Variants in GFPT2 observed in about 807,000 individuals in gnomAD.
GFPT2 encodes glutamine--fructose-6-phosphate transaminase 2.
In GFPT2, 62 loss-of-function variants were observed where a neutral mutation model predicts 85.6. The observed-to-expected ratio is 0.72, with a 90% CI of 0.59 to 0.90. GFPT2 has a LOEUF of 0.90. Among genes scored for constraint, GFPT2 ranks in the 40% least tolerant of loss-of-function variants. The probability of loss-of-function intolerance (pLI) is 0.00; values close to 1 mark genes in which losing one functional copy is unlikely to be tolerated. For synonymous variants in GFPT2, 368 were observed against 344.5 expected (o/e 1.07, Z -0.75); for missense variants, 788 against 893.4 (o/e 0.88, Z 1.50).
intron 4 of GFPT2, 170 bp from the exon 5 acceptor site, chr5:180,331,723 G>A (rs1355717362): frequency 1.6e-5 from 10 of 643,626 alleles, no homozygotes; most frequent in Non-Finnish European, 2.8e-5. Flanking sequence ...AGCAACTACA[G>A]TGGAACCAGG....
At chr5:180,349,752 T>C (rs565942620) in intron 1 of GFPT2, among the ~76,000 whole-genome samples, 29 of 152,112 alleles carry the variant, frequency 1.9e-4, no homozygotes, top group Non-Finnish European at 3.5e-4. Flanking sequence ...ATCAGTAAGT[T>C]TGCAGTCATT....
chr5:180,309,537 C>A (rs569966294), intron 15 of GFPT2, among the ~76,000 whole-genome samples: 13 of 152,242 alleles, frequency 8.5e-5, no homozygotes, highest in African/African-American at 3.1e-4. Flanking sequence ...TCTCCTGACT[C>A]AGCCTCCCAA....
intron 15 of GFPT2, among the ~76,000 whole-genome samples, chr5:180,308,215 C>T (rs1263784894): frequency 2.7e-5 from 4 of 150,610 alleles, no homozygotes; most frequent in African/African-American, 9.8e-5. Flanking sequence ...GAGATGGCAC[C>T]ACGGCACTCC....
At chr5:180,301,630 G>T in intron 18 of GFPT2, 22 bp from the exon 19 acceptor site, 1 of 1,603,902 alleles carries the variant, frequency 6.2e-7, no homozygotes, top group Non-Finnish European at 8.5e-7. Context: ...GAAAGTGACT[G>T]TTCAGGACCC....
Position 180,312,441 on chromosome 5 carries a change from C to A in GFPT2, c.1535G>T (p.Arg512Ile), listed in dbSNP as rs746813046. The A allele has an allele frequency of 6.3e-7, 1 of 1,579,780 alleles. No individual in the cohort carries two copies. Among genetic ancestry groups the A allele is most frequent in the Admixed American group, 1.7e-5 (1 of 59,980 alleles). ...NRRQEIIRGL[R>I]SLPELIKEVL... Reference sequence around the variant, plus strand: ...ATTCTAGAACATACCAGGTAAAGATCTCAAGCCACGGATGATCTCTTGCCT... The same window carrying A: ...ATTCTAGAACATACCAGGTAAAGATATCAAGCCACGGATGATCTCTTGCCT... Residue 512 changes from arginine to isoleucine, a missense_variant, in exon 15 of 19, where the codon AGA (arginine) becomes ATA (isoleucine). Arg to Ile is a moderately conservative substitution (Grantham distance 97). Coordinates refer to ENST00000253778, the MANE Select transcript of GFPT2 (RefSeq NM_005110.4).
chr5:180,328,169 A>T lies in GFPT2; in HGVS notation c.596+108T>A. 2.4e-6 allele frequency: 2 copies of T among 826,238 alleles called. No individual in the cohort carries two copies. Among genetic ancestry groups the T allele is most frequent in the Non-Finnish European group, 2.1e-6 (1 of 482,342 alleles). 51.2% of individuals were successfully genotyped at this position (826,238 alleles called of 1,614,324 possible). On this transcript the variant is annotated intron_variant, in intron 7 of 18. Transcript: ENST00000253778. The surrounding 1 kb of genome is among the most constrained non-coding windows in gnomAD (Gnocchi z 5.4). ...GAGCCACAGTTGTTCTTTAGACACCACGAGCACCTTTCAGCGTGCCACAGG... is the reference window on the plus strand; with the variant it reads ...GAGCCACAGTTGTTCTTTAGACACCTCGAGCACCTTTCAGCGTGCCACAGG...
intron 15 of GFPT2, among the ~76,000 whole-genome samples, chr5:180,310,719 CATTCTT>C: frequency 6.6e-6 from 1 of 151,262 alleles, no homozygotes; most frequent in South Asian, 2.1e-4. Context: ...CCATCAAGGC[CATTCTT>C]AAGGGAAACT....
intron 15 of GFPT2, among the ~76,000 whole-genome samples, chr5:180,308,963 G>A (rs984327174): frequency 1.3e-5 from 2 of 151,260 alleles, no homozygotes; most frequent in African/African-American, 2.4e-5. Context: ...TCGGCCACCC[G>A]GGTTCAAGTG....
At chr5:180,307,081 C>T in intron 16 of GFPT2, 95 bp downstream of exon 16, 3 of 1,061,570 alleles carry the variant, frequency 2.8e-6, no homozygotes, top group Non-Finnish European at 4.2e-6. Flanking sequence ...GCCCGGCCCT[C>T]CCCAAGCCCA....
At position 180,302,085 on chromosome 5, in the gene GFPT2, A is replaced by T. The variant is rs374835287; in HGVS notation, c.2004+338T>A. Among the ~76,000 whole-genome samples, 152 of 62,720 alleles carry T rather than the reference A, an allele frequency of 2.4e-3. 12 individuals are homozygous for T. The South Asian group carries it at 0.072, about 30-fold the overall frequency. The allele number at this position is 62,720 out of a possible 152,430, so 41.1% of individuals were successfully genotyped here. On this transcript the variant is annotated intron_variant, in intron 18 of 18. Transcript: ENST00000253778. ...GCAGGTGGATCACGAGGTCAGATCAAGGTCATCCTGGCTAACACGGTGAAA... is the reference window on the plus strand; with the variant it reads ...GCAGGTGGATCACGAGGTCAGATCATGGTCATCCTGGCTAACACGGTGAAA...
intron 15 of GFPT2, among the ~76,000 whole-genome samples, chr5:180,311,704 A>G (rs906664219): frequency 7.4e-6 from 1 of 135,864 alleles, no homozygotes; most frequent in Non-Finnish European, 1.6e-5. Context: ...AGGCCAGTCA[A>G]CAGGTGAACA....
At chr5:180,322,446 A>C (rs1561877512) in intron 9 of GFPT2, among the ~76,000 whole-genome samples, 1 of 151,538 alleles carries the variant, frequency 6.6e-6, no homozygotes, top group African/African-American at 2.4e-5. Context: ...ACTCTAAAGC[A>C]TTTTTTTTTC....
At chr5:180,303,753 C>G (rs1427970201) in intron 17 of GFPT2, among the ~76,000 whole-genome samples, 1 of 152,102 alleles carries the variant, frequency 6.6e-6, no homozygotes, top group Non-Finnish European at 1.5e-5. Context: ...TCTTTGTGGC[C>G]GGTTCCAGGA....
At chr5:180,322,592 G>A (rs999365518) in intron 9 of GFPT2, among the ~76,000 whole-genome samples, 4 of 152,214 alleles carry the variant, frequency 2.6e-5, no homozygotes, top group Non-Finnish European at 5.9e-5. Context: ...AGTGGCTAAG[G>A]CCAGGATATA....
chr5:180,312,737 C>G (rs185482739), intron 14 of GFPT2, among the ~76,000 whole-genome samples, 193 bp from the exon 15 acceptor site: 232 of 152,156 alleles, frequency 1.5e-3, no homozygotes, highest in Middle Eastern at 0.01. Flanking sequence ...GTGCCACCAC[C>G]CTGCCCAGTT....
chr5:180,336,249 T>C, intron 3 of GFPT2: 1 of 588,016 alleles, frequency 1.7e-6, no homozygotes. Flanking sequence ...TTAAAATAAC[T>C]ACTGTATGTA....
At chr5:180,347,883 A>T (rs1179361862) in intron 1 of GFPT2, among the ~76,000 whole-genome samples, 1 of 152,166 alleles carries the variant, frequency 6.6e-6, no homozygotes, top group East Asian at 1.9e-4. Context: ...CGCAGCAGCC[A>T]GGTTGGGCCC....
intron 1 of GFPT2, among the ~76,000 whole-genome samples, chr5:180,339,028 G>A (rs559016208): frequency 7.9e-5 from 12 of 152,264 alleles, no homozygotes; most frequent in East Asian, 1.9e-4. Context: ...TGGGACAGGC[G>A]CTGGGGCCTT....
Position 180,318,979 on chromosome 5 carries a change from C to A in GFPT2, c.795-23G>T, listed in dbSNP as rs768568116. Reference sequence around the variant, plus strand: ...GCGCTGGGGCAAGGGAAACAGGCATCATCAGTGCCCTGCCCTGAGCAGTTA... The same window carrying A: ...GCGCTGGGGCAAGGGAAACAGGCATAATCAGTGCCCTGCCCTGAGCAGTTA... On this transcript the variant is annotated intron_variant, in intron 9 of 18. Transcript: ENST00000253778. The surrounding 1 kb of genome is among the most constrained non-coding windows in gnomAD (Gnocchi z 4.2). 1.2e-6 allele frequency: 2 copies of A among 1,608,356 alleles called. No homozygotes were observed. The highest frequency in any genetic ancestry group is 1.1e-5 in the South Asian group (1 of 91,000).
Sources: gnomAD v4.1 joint callset for allele counts (sites outside exome capture counted in the v4.1 genomes callset) on GRCh38, gnomAD v4.1.1 for gene constraint, Gnocchi (gnomAD v3.1) non-coding constraint, MANE v1.5 for transcripts, NCBI Gene and HGNC (gene_info 2026-07-23, HGNC 2026-07-21) for gene names.